ASL: variants seen among roughly 807,000 people sequenced by gnomAD.
ASL encodes argininosuccinate lyase, also known as argininosuccinase.
A neutral mutation model predicts 69.1 loss-of-function variants in ASL; 51 were observed. The observed-to-expected ratio is 0.74, with a 90% CI of 0.59 to 0.93. The LOEUF is 0.93. ASL is among the 40% of genes least tolerant of loss of function. ASL has a pLI of 0.00. For synonymous variants in ASL, 241 were observed against 247.6 expected, an observed-to-expected ratio of 0.97 and a Z score of 0.25; for missense variants, 540 against 623.9, an observed-to-expected ratio of 0.87 and a Z score of 1.43.
intron 14 of ASL, 177 bp from the exon 15 acceptor site, chr7:66,091,829 G>A (rs974313136): frequency 5.4e-5 from 37 of 688,562 alleles, no homozygotes; most frequent in African/African-American, 4.9e-4. Flanking sequence ...CATAGCACAT[G>A]TAAATATTAT....
rs551299620 is a variant in ASL at position 66,077,155 on chromosome 7, G to A, written c.12+1062G>A. On this transcript the variant is annotated intron_variant, in intron 2 of 16. Transcript: ENST00000304874. ...AACAGTAGGTGCTCAATAAATGGTG[G>A]CTAACCACAACAATACTGATATTTC... 7.2e-5 allele frequency among the ~76,000 whole-genome samples: 11 copies of A among 152,306 alleles called. No homozygotes were observed. The South Asian group carries it at 2.3e-3, about 32-fold the overall frequency.
At chr7:66,090,220 A>G (rs902943425) in intron 14 of ASL, among the ~76,000 whole-genome samples, 1 of 152,308 alleles carries the variant, frequency 6.6e-6, no homozygotes, top group Non-Finnish European at 1.5e-5. Context: ...CCTGGACCAC[A>G]GAGTAAAACT....
At position 66,087,836 on chromosome 7, in the gene ASL, T is replaced by TCCTTCAGC. The variant is rs747922421; in HGVS notation, c.718+48_718+55dup. 147 of 1,610,510 alleles carry TCCTTCAGC rather than the reference T, an allele frequency of 9.1e-5. No individual in the cohort carries two copies. In the African/African-American group the frequency reaches 1.9e-3, roughly 21 times the overall value. On this transcript the variant is annotated intron_variant, in intron 10 of 16. Transcript: ENST00000304874. ...TCCCCTGCCCTGTGCCTCACTTTAG[T>TCCTTCAGC]CCTTCAGCCCAGCTTCTCTCCAGTT...
At position 66,089,344 on chromosome 7, in the gene ASL, C is replaced by CG; in HGVS notation, c.978+9_978+10insG. 1 of 1,598,956 alleles carries CG rather than the reference C, an allele frequency of 6.3e-7. No homozygotes were observed. Among genetic ancestry groups the CG allele is most frequent in the Non-Finnish European group, 8.5e-7 (1 of 1,172,404 alleles). On this transcript the variant is annotated intron_variant, in intron 13 of 16. Transcript: ENST00000304874. ...ACAACAAAGACTTACAGGTGCGAGG[C>CG]CGGGGGAGGCCTGGCTAGTACGTGC...
At chr7:66,084,932 A>AT (rs1297863627) in intron 6 of ASL, among the ~76,000 whole-genome samples, 4 of 151,560 alleles carry the variant, frequency 2.6e-5, no homozygotes, top group African/African-American at 7.3e-5. Flanking sequence ...AATTCTTTAA[A>AT]TTTTTTGTAG....
Position 66,076,041 on chromosome 7 carries a change from C to A in ASL, c.-41C>A. 1 of 1,587,940 alleles carries A rather than the reference C, an allele frequency of 6.3e-7. No individual in the cohort carries two copies. Among genetic ancestry groups the A allele is most frequent in the Non-Finnish European group, 8.6e-7 (1 of 1,167,688 alleles). On this transcript the variant is annotated splice_region_variant and 5_prime_UTR_variant, in exon 2 of 17. Transcript: ENST00000304874. The stretch of plus-strand genomic sequence containing the variant: ...GTCAGTCCGGTCTTGTCTTCCAGAC[C>A]CGGAGGACCGAAGCTTCCGGACGAC...
At chr7:66,075,971 C>G in intron 1 of ASL, 68 bp from the exon 2 acceptor site, 1 of 1,470,510 alleles carries the variant, frequency 6.8e-7, no homozygotes. Context: ...GTGCCCAGAA[C>G]TCGGAGCCAG....
rs375596811 is a variant in ASL at position 66,081,745 on chromosome 7, A to T, written c.13-58A>T. 18 of 1,564,430 alleles carry T rather than the reference A, an allele frequency of 1.2e-5. No individual in the cohort carries two copies. In the East Asian group the frequency reaches 2.0e-4, roughly 18 times the overall value. On this transcript the variant is annotated intron_variant, in intron 2 of 16. Coordinates refer to ENST00000304874, the MANE Select transcript of ASL (RefSeq NM_000048.4). Reference sequence around the variant, plus strand: ...GATAAGTTTCCCAAAGACTCTTTGCAAGAAGCACTGTTCTGGAGGGTGGAG... The same window carrying T: ...GATAAGTTTCCCAAAGACTCTTTGCTAGAAGCACTGTTCTGGAGGGTGGAG...
At chr7:66,089,744 G>A in intron 14 of ASL, 49 bp downstream of exon 14, 3 of 1,599,366 alleles carry the variant, frequency 1.9e-6, no homozygotes, top group South Asian at 1.1e-5. Flanking sequence ...CAGGCACTGG[G>A]GTGGGCATGC....
chr7:66,085,717 C>T (rs1346495696), intron 6 of ASL, among the ~76,000 whole-genome samples: 2 of 151,952 alleles, frequency 1.3e-5, no homozygotes, highest in Non-Finnish European at 2.9e-5. Context: ...ATGCCATTCT[C>T]CTGCCTCAGC....
chr7:66,082,290 G>GGGT (rs1786527303), intron 3 of ASL, 78 bp from the exon 4 acceptor site: 1 of 1,419,476 alleles, frequency 7.0e-7, no homozygotes, highest in Non-Finnish European at 9.7e-7. Context: ...ACCAGGGATA[G>GGGT]GGTGGGACCA....
intron 2 of ASL, among the ~76,000 whole-genome samples, chr7:66,077,744 ACCCACAAGT>A: frequency 6.6e-6 from 1 of 152,140 alleles, no homozygotes; most frequent in South Asian, 2.1e-4. Context: ...AAGAAAAAAA[ACCCACAAGT>A]CCCAAAACCA....
chr7:66,092,145 G>A (rs931297375), intron 15 of ASL, 59 bp downstream of exon 15: 4 of 1,585,744 alleles, frequency 2.5e-6, no homozygotes, highest in African/African-American at 2.7e-5. Flanking sequence ...CCAGAGGGTG[G>A]GGGAGCTCAG....
chr7:66,082,633 G>A (rs536613106), intron 4 of ASL, among the ~76,000 whole-genome samples, 182 bp downstream of exon 4: 1 of 152,134 alleles, frequency 6.6e-6, no homozygotes, highest in African/African-American at 2.4e-5. Context: ...GGCTGAGGTG[G>A]GAGGATTGCT....
rs774589623 is a variant in ASL, at chr7:66,092,042, G to A, written c.1099G>A (p.Asp367Asn). ...QENMGQALSP[D>N]MLATDLAYYL... ...GAACATGGGACAGGCTCTCAGCCCC[G>A]ACATGCTGGCCACTGACCTTGCCTA... Residue 367 changes from aspartate (D) to asparagine (N), a missense_variant, in exon 15 of 17, where the codon GAC (aspartate) becomes AAC (asparagine). Asp to Asn is a conservative substitution (Grantham distance 23, BLOSUM62 1). Coordinates refer to ENST00000304874, the MANE Select transcript of ASL (RefSeq NM_000048.4). 28 of 1,613,344 alleles carry A rather than the reference G, an allele frequency of 1.7e-5. No homozygotes were observed. Among genetic ancestry groups the A allele is most frequent in the Middle Eastern group, 3.3e-4 (2 of 6,084 alleles).
At position 66,093,262 on chromosome 7, in the gene ASL, C is replaced by T. The variant is rs1006983119; in HGVS notation, c.*350C>T. ...GCCCAGGAGTGGAGGCTGCAGTGAG[C>T]TATGATCACGCCACTGCATTCCAGC... is the stretch of plus-strand genomic sequence containing the variant. On this transcript the variant is annotated 3_prime_UTR_variant, in exon 17 of 17. Coordinates refer to ENST00000304874, the MANE Select transcript of ASL (RefSeq NM_000048.4). The T allele has an allele frequency of 5.1e-6, 2 of 389,624 alleles. No homozygotes were observed. Among genetic ancestry groups the T allele is most frequent in the Non-Finnish European group, 9.8e-6 (2 of 203,300 alleles). 24.1% of individuals were successfully genotyped at this position (389,624 alleles called of 1,614,324 possible).
At chr7:66,087,086 A>G (rs1011884134) in intron 8 of ASL, 1 of 641,106 alleles carries the variant, frequency 1.6e-6, no homozygotes, top group Non-Finnish European at 2.7e-6. Context: ...GTCAGGAGAC[A>G]AGTGTCCTGC....
At chr7:66,077,660 C>T (rs1025758319) in intron 2 of ASL, among the ~76,000 whole-genome samples, 7 of 151,336 alleles carry the variant, frequency 4.6e-5, no homozygotes, top group Non-Finnish European at 8.8e-5. Context: ...ACTCGGGAGG[C>T]GGAGGTTGCA....
Position 66,082,440 on chromosome 7 carries a change from C to CTGAAG in ASL, c.280_281insTGAAG (p.Arg94LeufsTer5). The CTGAAG allele has an allele frequency of 1.2e-6, 2 of 1,610,156 alleles. No individual in the cohort carries two copies. The highest frequency in any genetic ancestry group is 4.5e-5 in the East Asian group (2 of 44,762). ...TGAGGACATCCACACAGCCAATGAGCGCCGCCTGAAGGTACGACCCCTGGA... is the reference window on the plus strand; with the variant it reads ...TGAGGACATCCACACAGCCAATGAGCTGAAGGCCGCCTGAAGGTACGACCCCTGGA... On this transcript the variant is annotated frameshift_variant, in exon 4 of 17. Transcript: ENST00000304874. LOFTEE classifies it high-confidence loss of function.
Sources: allele counts gnomAD v4.1 joint callset (sites outside exome capture counted in the v4.1 genomes callset), GRCh38; gene constraint gnomAD v4.1.1; transcripts MANE v1.5; gene names NCBI Gene and HGNC (gene_info 2026-07-23, HGNC 2026-07-21).